RAP1A: variants seen among roughly 807,000 people sequenced by gnomAD.
RAP1A encodes the protein RAP1A, member of RAS oncogene family.
A neutral mutation model predicts 26.4 loss-of-function variants in RAP1A; 6 were observed. The ratio of observed to expected loss-of-function variants is 0.23; its 90% CI spans 0.12 to 0.45. The LOEUF is 0.45. RAP1A is among the 20% of genes least tolerant of loss of function. The probability of loss-of-function intolerance (pLI) is 0.99; values close to 1 mark genes in which losing one functional copy is unlikely to be tolerated. For missense variants in RAP1A, 121 were observed against 217.2 expected (o/e 0.56, Z 2.78); for synonymous variants, 73 against 79.4 (o/e 0.92, Z 0.43).
At chr1:111,554,827 G>T (rs1305558084) in intron 1 of RAP1A, among the ~76,000 whole-genome samples, 1 of 151,946 alleles carries the variant, frequency 6.6e-6, no homozygotes, top group African/African-American at 2.4e-5. Context: ...TCTCTACTCA[G>T]GAATCTAAGA....
intron 1 of RAP1A, among the ~76,000 whole-genome samples, chr1:111,678,900 T>C (rs901816676): frequency 6.6e-6 from 1 of 152,186 alleles, no homozygotes; most frequent in Non-Finnish European, 1.5e-5. Flanking sequence ...TACTTCTTCC[T>C]TTTGCATATG....
intron 1 of RAP1A, among the ~76,000 whole-genome samples, chr1:111,657,479 A>G (rs532584782): frequency 3.9e-5 from 6 of 152,068 alleles, no homozygotes; most frequent in Middle Eastern, 3.4e-3. Context: ...CAATTTATCT[A>G]TTTTTTTCTT....
intron 1 of RAP1A, among the ~76,000 whole-genome samples, chr1:111,564,228 C>A (rs1411347055): frequency 6.6e-6 from 1 of 152,204 alleles, no homozygotes; most frequent in East Asian, 1.9e-4. Flanking sequence ...ATTGAAATTT[C>A]TGGAACTCTA....
At chr1:111,616,401 T>C (rs1288933229), upstream of RAP1A, among the ~76,000 whole-genome samples, 1 of 152,244 alleles carries the variant, frequency 6.6e-6, no homozygotes, top group African/African-American at 2.4e-5. Flanking sequence ...CCAAGGGCTT[T>C]GCTGTTTCCT....
chr1:111,594,468 A>G (rs1008908429), intron 1 of RAP1A, among the ~76,000 whole-genome samples: 2 of 143,570 alleles, frequency 1.4e-5, no homozygotes, highest in African/African-American at 5.2e-5. Flanking sequence ...CAAGAGAGAT[A>G]GACAAAAAAC....
intron 1 of RAP1A, among the ~76,000 whole-genome samples, chr1:111,681,740 G>A (rs1206175764): frequency 6.6e-6 from 1 of 152,222 alleles, no homozygotes; most frequent in Non-Finnish European, 1.5e-5. Context: ...ATACCTGAAA[G>A]TGACGGGGAG....
rs1662432320 is a variant in RAP1A, at chr1:111,713,019, T to C, written c.*618T>C. On this transcript the variant is annotated 3_prime_UTR_variant, in exon 8 of 8. Coordinates refer to ENST00000369709, the MANE Select transcript of RAP1A (RefSeq NM_002884.4). ...TTCTATGGCTTTCAAAGCTAAAATA[T>C]ATAATATACTAAACCAACTCTAATA... 1 of 152,576 alleles carries C rather than the reference T, an allele frequency of 6.6e-6. No homozygotes were observed. Among genetic ancestry groups the C allele is most frequent in the Non-Finnish European group, 1.5e-5 (1 of 67,970 alleles). The allele number at this position is 152,576 out of a possible 1,614,324, so 9.5% of individuals were successfully genotyped here.
At chr1:111,589,344 C>G (rs1658430851) in intron 1 of RAP1A, among the ~76,000 whole-genome samples, 1 of 152,154 alleles carries the variant, frequency 6.6e-6, no homozygotes, top group African/African-American at 2.4e-5. Context: ...ACTCAGGAGG[C>G]TGAGGCAGGA....
chr1:111,711,191 G>A (rs965773473), intron 7 of RAP1A, among the ~76,000 whole-genome samples: 1 of 152,060 alleles, frequency 6.6e-6, no homozygotes, highest in African/African-American at 2.4e-5. Context: ...TAAGATTACT[G>A]GTGTATGTAT....
chr1:111,664,506 A>T (rs1660743497), intron 1 of RAP1A, among the ~76,000 whole-genome samples: 1 of 151,740 alleles, frequency 6.6e-6, no homozygotes, highest in Non-Finnish European at 1.5e-5. Context: ...CTATTAGATC[A>T]TCACAGAGTC....
intron 1 of RAP1A, among the ~76,000 whole-genome samples, chr1:111,582,786 G>C (rs952566705): frequency 3.3e-5 from 5 of 152,164 alleles, no homozygotes; most frequent in African/African-American, 9.7e-5. Context: ...TGTTTAGAGG[G>C]TGTGTATTCT....
chr1:111,544,642 A>G (rs1341211022), intron 1 of RAP1A, among the ~76,000 whole-genome samples: 3 of 152,176 alleles, frequency 2.0e-5, no homozygotes, highest in Non-Finnish European at 4.4e-5. Context: ...TCAGGCTATT[A>G]TGAATAACAC....
At chr1:111,542,349 G>C in exon 1 of RAP1A, 1 of 385,312 alleles carries the variant, frequency 2.6e-6, no homozygotes, top group Non-Finnish European at 5.4e-6. Context: ...CTCCTTCCAC[G>C]TGGGTGAAGG....
At chr1:111,672,738 T>G (rs1025406647) in intron 1 of RAP1A, among the ~76,000 whole-genome samples, 2 of 152,226 alleles carry the variant, frequency 1.3e-5, no homozygotes, top group African/African-American at 2.4e-5. Flanking sequence ...TTGCTAACCC[T>G]GCCTGTATTC....
chr1:111,672,586 G>A (rs553483922), intron 1 of RAP1A, among the ~76,000 whole-genome samples: 2 of 152,194 alleles, frequency 1.3e-5, no homozygotes, highest in South Asian at 4.2e-4. Context: ...TCTCCAAAGT[G>A]GTGACTGCAC....
At chr1:111,705,037 G>A (rs1045115467) in intron 6 of RAP1A, among the ~76,000 whole-genome samples, 91 of 152,088 alleles carry the variant, frequency 6.0e-4, no homozygotes, top group African/African-American at 2.2e-3. Context: ...GGGTCACTGG[G>A]TTAAGCACTC....
intron 1 of RAP1A, among the ~76,000 whole-genome samples, chr1:111,634,016 A>C (rs868386522): frequency 5.3e-5 from 8 of 152,092 alleles, no homozygotes; most frequent in Non-Finnish European, 8.8e-5. Context: ...CTTAACTTCT[A>C]GTGTTCTGGG....
intron 1 of RAP1A, among the ~76,000 whole-genome samples, chr1:111,690,755 C>G (rs1557894007): frequency 6.6e-6 from 1 of 152,182 alleles, no homozygotes; most frequent in African/African-American, 2.4e-5. Context: ...TTTATTTTCT[C>G]TGGCTATTTG....
At chr1:111,620,323 C>T (rs1425831523) in intron 1 of RAP1A, among the ~76,000 whole-genome samples, 2 of 152,232 alleles carry the variant, frequency 1.3e-5, no homozygotes, top group Non-Finnish European at 2.9e-5. Context: ...TGCCCTCGTA[C>T]CTCACTGCCT....
Sources: allele counts gnomAD v4.1 joint callset (sites outside exome capture counted in the v4.1 genomes callset), GRCh38; gene constraint gnomAD v4.1.1; transcripts MANE v1.5; gene names NCBI Gene and HGNC (gene_info 2026-07-23, HGNC 2026-07-21).